Variants in PROM1 observed in about 807,000 individuals in gnomAD.
PROM1 encodes the protein prominin-1.
Under a neutral mutation model 116.9 loss-of-function variants are expected in PROM1, and 105 were observed. The ratio of observed to expected loss-of-function variants is 0.90; its 90% CI spans 0.77 to 1.06. The LOEUF is 1.06. PROM1 is among the 50% of genes least tolerant of loss of function. PROM1 has a pLI of 0.00. For missense variants in PROM1, 1,122 were observed against 1,045.2 expected, an observed-to-expected ratio of 1.07 and a Z score of -1.01; for synonymous variants, 393 against 387.0, an observed-to-expected ratio of 1.02 and a Z score of -0.18.
chr4:15,989,190 C>T (rs1560416065), intron 19 of PROM1, among the ~76,000 whole-genome samples: 1 of 152,256 alleles, frequency 6.6e-6, no homozygotes, highest in South Asian at 2.1e-4. Context: ...GAATTTAAAA[C>T]CAGGTCTGTC....
chr4:16,078,256 G>A (rs1744357064), intron 1 of PROM1: 1 of 152,306 alleles, frequency 6.6e-6, no homozygotes, highest in Admixed American at 6.5e-5. Flanking sequence ...CGTAGTCGGT[G>A]TTTAGTAAGT....
chr4:16,020,604 T>C (rs1465815423), intron 8 of PROM1, among the ~76,000 whole-genome samples: 1 of 152,190 alleles, frequency 6.6e-6, no homozygotes, highest in Non-Finnish European at 1.5e-5. Flanking sequence ...TGTGGTTTAC[T>C]CCTCACGGCC....
chr4:16,013,618 T>C (rs374431680), intron 10 of PROM1, among the ~76,000 whole-genome samples: 2 of 152,334 alleles, frequency 1.3e-5, no homozygotes, highest in East Asian at 3.9e-4. Flanking sequence ...GCCTAGGTAC[T>C]ATTATGGGTA....
Position 15,985,740 on chromosome 4 carries a change from A to T in PROM1, c.2280+20T>A. Reference sequence around the variant, plus strand: ...TGAAACTTGACCCCCCTTAACATTCATAAAAGATAAACTACTTACAGAGAA... The same window carrying T: ...TGAAACTTGACCCCCCTTAACATTCTTAAAAGATAAACTACTTACAGAGAA... On this transcript the variant is annotated intron_variant, in intron 22 of 27. Transcript: ENST00000447510. The T allele has an allele frequency of 6.7e-7, 1 of 1,501,698 alleles. No individual in the cohort carries two copies. Among genetic ancestry groups the T allele is most frequent in the South Asian group, 1.2e-5 (1 of 85,708 alleles). 93.0% of individuals were successfully genotyped at this position (1,501,698 alleles called of 1,614,324 possible).
At chr4:16,026,401 A>G (rs1248670463) in intron 5 of PROM1, among the ~76,000 whole-genome samples, 1 of 152,188 alleles carries the variant, frequency 6.6e-6, no homozygotes. Flanking sequence ...AACTATTTTT[A>G]CCTGCAGAAG....
intron 5 of PROM1, among the ~76,000 whole-genome samples, chr4:16,026,206 G>A (rs994076107): frequency 2.0e-5 from 3 of 152,130 alleles, no homozygotes; most frequent in South Asian, 2.1e-4. Context: ...CATCTAAAAT[G>A]TCTAATGTAA....
chr4:16,010,656 C>A (rs1329688762), intron 11 of PROM1, among the ~76,000 whole-genome samples: 1 of 151,952 alleles, frequency 6.6e-6, no homozygotes, highest in Admixed American at 6.6e-5. Context: ...GTGTGTACCA[C>A]CATGTTCAGC....
In PROM1 at chr4:15,999,847, G is replaced by GAA. The variant is rs139791213; in HGVS notation, c.1578+647_1578+648dup. ...TATATTTTAAAAATCAGAATCTGGA[G>GAA]AAAAAAAAAACACAGAAAAGCCACA... On this transcript the variant is annotated intron_variant, in intron 14 of 27. Transcript: ENST00000447510. Among the ~76,000 whole-genome samples, 14 of 147,546 alleles carry GAA rather than the reference G, an allele frequency of 9.5e-5. No homozygotes were observed. In the East Asian group the frequency reaches 1.4e-3, roughly 15 times the overall value.
intron 14 of PROM1, among the ~76,000 whole-genome samples, chr4:15,999,098 G>C (rs191125870): frequency 5.7e-4 from 86 of 152,210 alleles, no homozygotes; most frequent in African/African-American, 2.0e-3. Context: ...TAGACCATTT[G>C]ATCAGAATAG....
intron 23 of PROM1, among the ~76,000 whole-genome samples, chr4:15,980,900 A>C (rs1717700058): frequency 6.6e-6 from 1 of 152,112 alleles, no homozygotes; most frequent in Non-Finnish European, 1.5e-5. Context: ...CAGTAATCAG[A>C]GCATGGATGG....
intron 9 of PROM1, 130 bp downstream of exon 9, chr4:16,018,193 C>CTGA: frequency 1.3e-6 from 1 of 798,682 alleles, no homozygotes; most frequent in African/African-American, 1.7e-5. Flanking sequence ...CTCAAGAAGG[C>CTGA]TGATAGAGGC....
chr4:15,979,336 C>A (rs566672197), intron 26 of PROM1, 59 bp downstream of exon 26: 1 of 1,611,076 alleles, frequency 6.2e-7, no homozygotes, highest in South Asian at 1.1e-5. Context: ...CAGTGCTGAT[C>A]TATAGGAGAT....
At position 15,984,363 on chromosome 4, in the gene PROM1, G is replaced by A. The variant is rs368862821; in HGVS notation, c.2281-8C>T. ...TGCCACTTTCTCACTGATCTAGGGGGGTGGAAACACAGGGAAACTTTGAGC... is the reference window on the plus strand; with the variant it reads ...TGCCACTTTCTCACTGATCTAGGGGAGTGGAAACACAGGGAAACTTTGAGC... On this transcript the variant is annotated splice_region_variant and splice_polypyrimidine_tract_variant and intron_variant, in intron 22 of 27. Transcript: ENST00000447510. 1.7e-5 allele frequency: 26 copies of A among 1,532,184 alleles called. No homozygotes were observed. Among genetic ancestry groups the A allele is most frequent in the Non-Finnish European group, 2.1e-5 (24 of 1,134,158 alleles). The allele number at this position is 1,532,184 out of a possible 1,614,324, so 94.9% of individuals were successfully genotyped here. A position where few individuals can be genotyped will look rare whatever the true frequency, so the allele number is the denominator to read the frequency against.
Position 16,045,445 on chromosome 4 carries a change from G to A in PROM1, c.221-6444C>T, listed in dbSNP as rs571407841. Among the ~76,000 whole-genome samples the A allele has an allele frequency of 8.5e-5, 13 of 152,282 alleles. No homozygotes were observed. In the South Asian group the frequency reaches 1.9e-3, roughly 22 times the overall value. On this transcript the variant is annotated intron_variant, in intron 2 of 27. Coordinates refer to ENST00000447510, the MANE Select transcript of PROM1 (RefSeq NM_006017.3). ...CCACCCAACTCACGGCAGCCTCTAT[G>A]TTGGACTGAGCAGTGAACCACAAAC...
intron 2 of PROM1, among the ~76,000 whole-genome samples, 184 bp downstream of exon 2, chr4:16,075,503 A>G (rs578022506): frequency 6.6e-6 from 1 of 152,346 alleles, no homozygotes; most frequent in East Asian, 1.9e-4. Flanking sequence ...TTATAATAAC[A>G]TTCCTCGCAA....
intron 13 of PROM1, chr4:16,003,231 G>A (rs1456345893): frequency 2.2e-6 from 1 of 453,012 alleles, no homozygotes; most frequent in Non-Finnish European, 4.5e-6. Flanking sequence ...TAACTCACTT[G>A]GCCACTCTTC....
chr4:16,052,006 A>G (rs941081593), intron 2 of PROM1, among the ~76,000 whole-genome samples: 3 of 152,224 alleles, frequency 2.0e-5, no homozygotes, highest in Non-Finnish European at 2.9e-5. Context: ...AAGGGAGGGA[A>G]TGAAATGCCC....
At chr4:15,999,704 CAACTT>C (rs1723265058) in intron 14 of PROM1, among the ~76,000 whole-genome samples, 1 of 152,124 alleles carries the variant, frequency 6.6e-6, no homozygotes, top group Non-Finnish European at 1.5e-5. Flanking sequence ...CTGGTGATCT[CAACTT>C]AATCTCCCTC....
chr4:16,026,804 G>A (rs1238754984), intron 5 of PROM1, among the ~76,000 whole-genome samples: 2 of 152,108 alleles, frequency 1.3e-5, no homozygotes, highest in Admixed American at 6.5e-5. Context: ...GTAATATAAC[G>A]TTGAGGGATA....
Sources: gnomAD v4.1 joint callset for allele counts (sites outside exome capture counted in the v4.1 genomes callset) on GRCh38, gnomAD v4.1.1 for gene constraint, MANE v1.5 for transcripts, NCBI Gene and HGNC (gene_info 2026-07-23, HGNC 2026-07-21) for gene names.